Variants in TMEM135 observed in about 807,000 individuals in gnomAD.
The protein encoded by TMEM135 is peroxisomal membrane protein 52.
TMEM135 carries 30 observed loss-of-function variants against 60.3 expected under a neutral mutation model. The observed-to-expected ratio is 0.50, with a 90% CI of 0.37 to 0.68. The LOEUF (loss-of-function observed/expected upper bound fraction) is 0.68. TMEM135 is among the 30% of genes least tolerant of loss of function. The probability of loss-of-function intolerance (pLI) is 0.00; values close to 1 mark genes in which losing one functional copy is unlikely to be tolerated. For missense variants in TMEM135, 468 were observed against 548.8 expected, an observed-to-expected ratio of 0.85 and a Z score of 1.47; for synonymous variants, 190 against 186.7, an observed-to-expected ratio of 1.02 and a Z score of -0.14.
intron 6 of TMEM135, among the ~76,000 whole-genome samples, chr11:87,250,987 C>T (rs1160975390): frequency 6.6e-6 from 1 of 152,036 alleles, no homozygotes; most frequent in Non-Finnish European, 1.5e-5. Flanking sequence ...GTAGGTTTAT[C>T]TGAGATATGA....
chr11:87,302,659 T>G (rs899518087), intron 8 of TMEM135, among the ~76,000 whole-genome samples: 1 of 152,224 alleles, frequency 6.6e-6, no homozygotes, highest in African/African-American at 2.4e-5. Flanking sequence ...AAAAGAGGTT[T>G]GCATAAAATT....
chr11:87,184,098 A>G (rs1416054029), intron 5 of TMEM135, among the ~76,000 whole-genome samples: 1 of 152,098 alleles, frequency 6.6e-6, no homozygotes, highest in African/African-American at 2.4e-5. Context: ...TTAACTTCAT[A>G]AAGTACTTAG....
chr11:87,179,987 C>T (rs1285417553), intron 5 of TMEM135, among the ~76,000 whole-genome samples: 6 of 152,038 alleles, frequency 3.9e-5, no homozygotes, highest in African/African-American at 1.5e-4. Context: ...TTCTTTTTCT[C>T]CCAGCTTGGA....
At chr11:87,122,563 T>C (rs1829361) in intron 4 of TMEM135, among the ~76,000 whole-genome samples, 114,893 of 151,554 alleles carry the variant, frequency 0.76, 44,432 homozygotes, top group East Asian at 0.91. Context: ...CAGGTTCAAG[T>C]GATTCTCCTG....
intron 2 of TMEM135, 131 bp downstream of exon 2, chr11:87,067,952 T>G: frequency 8.9e-7 from 1 of 1,123,984 alleles, no homozygotes; most frequent in South Asian, 1.4e-5. Flanking sequence ...GAAGTGACAT[T>G]TATGTCAATG....
intron 4 of TMEM135, among the ~76,000 whole-genome samples, chr11:87,118,815 T>G (rs1413310718): frequency 6.6e-6 from 1 of 152,170 alleles, no homozygotes; most frequent in Admixed American, 6.5e-5. Context: ...CTTCTTCCCT[T>G]AAATCTCATG....
At chr11:87,179,141 C>T (rs189890704) in intron 5 of TMEM135, among the ~76,000 whole-genome samples, 1 of 152,076 alleles carries the variant, frequency 6.6e-6, no homozygotes, top group East Asian at 1.9e-4. Context: ...GACTTCTTTT[C>T]ATAGTGCTTA....
chr11:87,169,426 G>C (rs1023660188), intron 5 of TMEM135, among the ~76,000 whole-genome samples: 2 of 151,776 alleles, frequency 1.3e-5, no homozygotes, highest in East Asian at 3.9e-4. Context: ...GTATGTTTTT[G>C]CAGTGGCTGG....
At chr11:87,226,906 G>T (rs1485097280) in intron 5 of TMEM135, among the ~76,000 whole-genome samples, 1 of 152,098 alleles carries the variant, frequency 6.6e-6, no homozygotes, top group African/African-American at 2.4e-5. Flanking sequence ...AAAATTAGCT[G>T]GGTGTGGTGG....
At chr11:87,285,666 G>A (rs530434816) in intron 6 of TMEM135, among the ~76,000 whole-genome samples, 4 of 152,332 alleles carry the variant, frequency 2.6e-5, no homozygotes, top group Admixed American at 1.3e-4. Context: ...CGGACCTAAA[G>A]AGTGAGCAGC....
Position 87,302,277 on chromosome 11 carries a change from A to ATTGTG in TMEM135, c.552-18_552-14dup, listed in dbSNP as rs763507950. 303 of 1,613,110 alleles carry ATTGTG rather than the reference A, an allele frequency of 1.9e-4. No homozygotes were observed. Among genetic ancestry groups the ATTGTG allele is most frequent in the Non-Finnish European group, 1.5e-4 (175 of 1,179,718 alleles). On this transcript the variant is annotated intron_variant, in intron 7 of 14. Transcript: ENST00000305494. ...TATTTTTAAGTGAAAAATGCCTCAC[A>ATTGTG]TTGTGCTCTTTTCTTTAGGTTCATT...
chr11:87,268,251 C>T (rs973523597), intron 6 of TMEM135, among the ~76,000 whole-genome samples: 2 of 129,070 alleles, frequency 1.5e-5, no homozygotes, highest in Non-Finnish European at 3.3e-5. Context: ...CTCACCACAC[C>T]TAGATATTTA....
intron 7 of TMEM135, among the ~76,000 whole-genome samples, chr11:87,296,359 T>C (rs1380558568): frequency 6.6e-6 from 1 of 152,184 alleles, no homozygotes; most frequent in Admixed American, 6.5e-5. Flanking sequence ...GATTAGAAAA[T>C]TAAATTTTTG....
At position 87,322,570 on chromosome 11, in the gene TMEM135, A is replaced by G. The variant is rs911991095; in HGVS notation, c.*1237A>G. On this transcript the variant is annotated 3_prime_UTR_variant, in exon 15 of 15. Coordinates refer to ENST00000305494, the MANE Select transcript of TMEM135 (RefSeq NM_022918.4). ...AAAGAGCTGAAGTGGTCTACAGTTAATGTGACATGTAGGGATGATGATATT... is the reference window on the plus strand; with the variant it reads ...AAAGAGCTGAAGTGGTCTACAGTTAGTGTGACATGTAGGGATGATGATATT... The G allele has an allele frequency of 2.2e-6, 1 of 453,932 alleles. No individual in the cohort carries two copies. The allele number at this position is 453,932 out of a possible 1,614,324, so 28.1% of individuals were successfully genotyped here.
intron 1 of TMEM135, among the ~76,000 whole-genome samples, chr11:87,059,565 C>G (rs1949926508): frequency 6.6e-6 from 1 of 152,142 alleles, no homozygotes; most frequent in Non-Finnish European, 1.5e-5. Flanking sequence ...ATCCACTCGC[C>G]TCAGCCTCCC....
At chr11:87,262,606 G>A (rs904078380) in intron 6 of TMEM135, among the ~76,000 whole-genome samples, 5 of 151,996 alleles carry the variant, frequency 3.3e-5, no homozygotes, top group Non-Finnish European at 5.9e-5. Context: ...CTGTTATATT[G>A]TTGTATCAAT....
intron 4 of TMEM135, among the ~76,000 whole-genome samples, chr11:87,130,793 T>A (rs1371384483): frequency 3.3e-5 from 5 of 152,186 alleles, no homozygotes; most frequent in Admixed American, 6.5e-5. Flanking sequence ...TGAAACACTG[T>A]ACCAGGCTCA....
chr11:87,089,983 G>A (rs780152323), intron 3 of TMEM135, among the ~76,000 whole-genome samples: 14 of 152,048 alleles, frequency 9.2e-5, no homozygotes, highest in African/African-American at 2.2e-4. Flanking sequence ...TGCCATGTTC[G>A]TTTGCTGCAT....
At position 87,322,981 on chromosome 11, in the gene TMEM135, G is replaced by A. The variant is rs745812292; in HGVS notation, c.*1648G>A. 10 of 454,356 alleles carry A rather than the reference G, an allele frequency of 2.2e-5. No individual in the cohort carries two copies. Among genetic ancestry groups the A allele is most frequent in the South Asian group, 1.6e-4 (10 of 64,450 alleles). The allele number at this position is 454,356 out of a possible 1,614,324, so 28.1% of individuals were successfully genotyped here. A position where few individuals can be genotyped will look rare whatever the true frequency, so the allele number is the denominator to read the frequency against. On this transcript the variant is annotated 3_prime_UTR_variant, in exon 15 of 15. Coordinates refer to ENST00000305494, the MANE Select transcript of TMEM135 (RefSeq NM_022918.4). ...TTCACTGGAATCAAAACGATGGTTGGTACTGTGTTTACTGTTTAAAATGAA... is the reference window on the plus strand; with the variant it reads ...TTCACTGGAATCAAAACGATGGTTGATACTGTGTTTACTGTTTAAAATGAA...
Sources: gnomAD v4.1 joint callset for allele counts (sites outside exome capture counted in the v4.1 genomes callset) on GRCh38, gnomAD v4.1.1 for gene constraint, MANE v1.5 for transcripts, NCBI Gene and HGNC (gene_info 2026-07-23, HGNC 2026-07-21) for gene names.